The following STK38L variants were observed in gnomAD, a reference collection of about 807,000 sequenced individuals.
The protein encoded by STK38L is serine/threonine kinase 38 like.
STK38L carries 28 observed loss-of-function variants against 59.7 expected under a neutral mutation model. The ratio of observed to expected loss-of-function variants is 0.47; its 90% CI spans 0.35 to 0.64. STK38L has a LOEUF of 0.64. Ranked by LOEUF, STK38L falls within the 30% of genes least tolerant of loss-of-function variation. STK38L has a pLI of 0.01. For missense variants in STK38L, 314 were observed against 555.8 expected (o/e 0.56, Z 4.37); for synonymous variants, 162 against 176.8 (o/e 0.92, Z 0.66).
chr12:27,302,359 G>GT (rs979819677), intron 3 of STK38L, 171 bp downstream of exon 3: 29 of 470,012 alleles, frequency 6.2e-5, no homozygotes, highest in African/African-American at 4.2e-4. Context: ...AGGCAGTTTT[G>GT]TTTTTTTCTT....
At position 27,312,469 on chromosome 12, in the gene STK38L, G is replaced by T. The variant is rs894737758; in HGVS notation, c.394-80G>T. The T allele has an allele frequency of 2.0e-5, 29 of 1,461,082 alleles. No individual in the cohort carries two copies. The African/African-American group carries it at 3.8e-4, about 19-fold the overall frequency. The allele number at this position is 1,461,082 out of a possible 1,614,324, so 90.5% of individuals were successfully genotyped here. On this transcript the variant is annotated intron_variant, in intron 5 of 13. Transcript: ENST00000389032. Reference sequence around the variant, plus strand: ...CCATCTTTCCTTCATTAACTGTTATGGATGGATAAGTGTAAGAGATGAGTT... The same window carrying T: ...CCATCTTTCCTTCATTAACTGTTATTGATGGATAAGTGTAAGAGATGAGTT...
Position 27,308,505 on chromosome 12 carries a change from TTAAGA to T in STK38L, c.309+48_309+52del. 2 of 1,461,330 alleles carry T rather than the reference TTAAGA, an allele frequency of 1.4e-6. No individual in the cohort carries two copies. Among genetic ancestry groups the T allele is most frequent in the Non-Finnish European group, 1.8e-6 (2 of 1,099,548 alleles). The allele number at this position is 1,461,330 out of a possible 1,614,324, so 90.5% of individuals were successfully genotyped here. ...GTCACTACTGCTGCAAATATATATC[TTAAGA>T]TAATTTAAAATATGTGTTAAAATAT... is the stretch of plus-strand genomic sequence containing the variant. On this transcript the variant is annotated intron_variant, in intron 4 of 13. Coordinates refer to ENST00000389032, the MANE Select transcript of STK38L (RefSeq NM_015000.4). The surrounding 1 kb of genome is among the most constrained non-coding windows in gnomAD (Gnocchi z 4.5).
At chr12:27,286,138 G>C (rs144898659) in intron 1 of STK38L, among the ~76,000 whole-genome samples, 5 of 152,038 alleles carry the variant, frequency 3.3e-5, no homozygotes, top group African/African-American at 1.2e-4. Flanking sequence ...GTTCTTTGCT[G>C]TTCTCCACTA....
intron 1 of STK38L, among the ~76,000 whole-genome samples, chr12:27,250,405 G>A (rs1942946121): frequency 6.6e-6 from 1 of 152,058 alleles, no homozygotes; most frequent in African/African-American, 2.4e-5. Context: ...TCTCCCAGTG[G>A]TAATATATAG....
rs1944365883 is a variant in STK38L at position 27,308,333 on chromosome 12, T to A, written c.187-6T>A. ...ATCATCCGTTTAAATTGTTTTTTTT[T>A]AATAGAAAAAGTTACGTCGATCACA... is the stretch of plus-strand genomic sequence containing the variant. On this transcript the variant is annotated splice_region_variant and splice_polypyrimidine_tract_variant and intron_variant, in intron 3 of 13. Transcript: ENST00000389032. This position sits in a 1 kb window ranked among gnomAD's most constrained non-coding sequence, Gnocchi z 4.5. 1 of 1,535,872 alleles carries A rather than the reference T, an allele frequency of 6.5e-7. No individual in the cohort carries two copies. The highest frequency in any genetic ancestry group is 8.7e-7 in the Non-Finnish European group (1 of 1,142,896).
At position 27,323,567 on chromosome 12, in the gene STK38L, A is replaced by G. The variant is rs2136655638; in HGVS notation, c.*1112A>G. The G allele has an allele frequency of 6.6e-6, 1 of 152,670 alleles. No homozygotes were observed. Among genetic ancestry groups the G allele is most frequent in the South Asian group, 2.1e-4 (1 of 4,832 alleles). The allele number at this position is 152,670 out of a possible 1,614,324, so 9.5% of individuals were successfully genotyped here. A position where few individuals can be genotyped will look rare whatever the true frequency, so the allele number is the denominator to read the frequency against. ...GTACCAAAGATCTTGAACAGAGTGG[A>G]TGTTCACAACTGAGTAGAATTTTCC... On this transcript the variant is annotated 3_prime_UTR_variant, in exon 14 of 14. Transcript: ENST00000389032.
chr12:27,304,258 CAAAAAAAAAAA>C (rs34994566), intron 3 of STK38L, among the ~76,000 whole-genome samples: 39 of 62,874 alleles, frequency 6.2e-4, no homozygotes, highest in South Asian at 1.1e-3. Context: ...GAGTCTGTCT[CAAAAAAAAAAA>C]AAAAAAAAAA....
intron 1 of STK38L, among the ~76,000 whole-genome samples, chr12:27,269,654 T>A (rs1350592480): frequency 1.3e-5 from 2 of 152,220 alleles, no homozygotes; most frequent in Non-Finnish European, 2.9e-5. Flanking sequence ...TATCTTTTTT[T>A]ATTTTTGAAA....
chr12:27,246,440 A>G (rs922274), intron 1 of STK38L, among the ~76,000 whole-genome samples: 117,437 of 152,066 alleles, frequency 0.77, 46,299 homozygotes, highest in East Asian at 1. Context: ...AAATAGTGTC[A>G]GGTGAATCAA....
chr12:27,321,535 A>G (rs1000647408), intron 12 of STK38L, among the ~76,000 whole-genome samples: 29 of 152,338 alleles, frequency 1.9e-4, no homozygotes, highest in Admixed American at 1.4e-3. Context: ...TCCTCATAAT[A>G]TCTCAAATAC....
intron 1 of STK38L, among the ~76,000 whole-genome samples, chr12:27,246,254 A>G (rs1041876870): frequency 5.9e-5 from 9 of 152,146 alleles, no homozygotes; most frequent in Admixed American, 4.6e-4. Context: ...GGAGAGCATC[A>G]TTGTGTTAGT....
rs181406432 is a variant in STK38L at position 27,265,178 on chromosome 12, T to A, written c.-12+20846T>A. The stretch of plus-strand genomic sequence containing the variant: ...TATGAAGAAAAAGAAAAGATAATCA[T>A]TAATAGTACTTTAGTAAACAAGATT... On this transcript the variant is annotated intron_variant, in intron 1 of 13. Coordinates refer to ENST00000389032, the MANE Select transcript of STK38L (RefSeq NM_015000.4). Among the ~76,000 whole-genome samples the A allele has an allele frequency of 3.9e-5, 6 of 152,266 alleles. No homozygotes were observed. In the East Asian group the frequency reaches 1.2e-3, roughly 29 times the overall value.
chr12:27,305,173 T>G (rs1944279192), intron 3 of STK38L, among the ~76,000 whole-genome samples: 1 of 152,234 alleles, frequency 6.6e-6, no homozygotes, highest in African/African-American at 2.4e-5. Flanking sequence ...ATCTGGACTT[T>G]TTTTGCAGAA....
At chr12:27,269,614 A>G (rs1039070514) in intron 1 of STK38L, among the ~76,000 whole-genome samples, 7 of 152,238 alleles carry the variant, frequency 4.6e-5, no homozygotes, top group African/African-American at 1.2e-4. Context: ...TTCATGTTGC[A>G]TATGTTCTGT....
At chr12:27,263,850 T>C (rs1453004201) in intron 1 of STK38L, among the ~76,000 whole-genome samples, 3 of 152,212 alleles carry the variant, frequency 2.0e-5, no homozygotes. Context: ...GAGTGCCTAA[T>C]TGTGAGATTC....
At position 27,312,537 on chromosome 12, in the gene STK38L, A is replaced by G. The variant is rs1944480453; in HGVS notation, c.394-12A>G. On this transcript the variant is annotated splice_polypyrimidine_tract_variant and intron_variant, in intron 5 of 13. Transcript: ENST00000389032. ...ATTTACAATTATTTTTTTCAAAAAT[A>G]TATTCATCTAGGTGGCCCATATCCG... is the stretch of plus-strand genomic sequence containing the variant. 1 of 1,609,194 alleles carries G rather than the reference A, an allele frequency of 6.2e-7. No individual in the cohort carries two copies. The highest frequency in any genetic ancestry group is 8.5e-7 in the Non-Finnish European group (1 of 1,178,830).
At chr12:27,268,648 T>G (rs1943352610) in intron 1 of STK38L, among the ~76,000 whole-genome samples, 1 of 152,250 alleles carries the variant, frequency 6.6e-6, no homozygotes, top group Non-Finnish European at 1.5e-5. Context: ...ATGGGATTGC[T>G]GGGTCAAATG....
At chr12:27,270,997 G>T (rs1383703873) in intron 1 of STK38L, among the ~76,000 whole-genome samples, 1 of 152,184 alleles carries the variant, frequency 6.6e-6, no homozygotes, top group Non-Finnish European at 1.5e-5. Context: ...AATTGTAAAG[G>T]TACAGTGATG....
intron 1 of STK38L, among the ~76,000 whole-genome samples, chr12:27,290,308 CA>C (rs1267353472): frequency 1.3e-5 from 2 of 152,276 alleles, no homozygotes; most frequent in Non-Finnish European, 2.9e-5. Flanking sequence ...ATGGCTGCAC[CA>C]AAATTCAGAC....
Sources: gnomAD v4.1 joint callset for allele counts (sites outside exome capture counted in the v4.1 genomes callset) on GRCh38, gnomAD v4.1.1 for gene constraint, Gnocchi (gnomAD v3.1) non-coding constraint, MANE v1.5 for transcripts, NCBI Gene and HGNC (gene_info 2026-07-23, HGNC 2026-07-21) for gene names.